C12orf42: variants seen among roughly 807,000 people sequenced by gnomAD.
C12orf42 encodes the protein chromosome 12 open reading frame 42, also known as uncharacterized protein C12orf42.
In C12orf42, 25 loss-of-function variants were observed where a neutral mutation model predicts 21.6. The ratio of observed to expected loss-of-function variants is 1.16; its 90% CI spans 0.84 to 1.62. C12orf42 has a LOEUF of 1.62. Among genes scored for constraint, C12orf42 ranks in the 40% most tolerant of loss-of-function variants. C12orf42 has a pLI of 0.00. For synonymous variants in C12orf42, 174 were observed against 175.0 expected (o/e 0.99, Z 0.05); for missense variants, 483 against 459.3 (o/e 1.05, Z -0.47).
intron 3 of C12orf42, among the ~76,000 whole-genome samples, chr12:103,379,475 A>T (rs2045984626): frequency 6.6e-6 from 1 of 152,328 alleles, no homozygotes; most frequent in East Asian, 1.9e-4. Flanking sequence ...ACTTGGGAGG[A>T]AATGTAAAAT....
chr12:103,112,450 A>T, the C12orf42 span, among the ~76,000 whole-genome samples: 1 of 152,162 alleles, frequency 6.6e-6, no homozygotes, highest in Non-Finnish European at 1.5e-5. Flanking sequence ...ACCTGAGGTC[A>T]GGAGTTCCAG....
chr12:103,260,097 G>GA (rs774965593), intron 10 of C12orf42, among the ~76,000 whole-genome samples: 10 of 150,748 alleles, frequency 6.6e-5, no homozygotes, highest in East Asian at 1.9e-4. Context: ...TAAAATAGAA[G>GA]AAAAAAAAAT....
chr12:103,436,379 A>G (rs1402829353), intron 2 of C12orf42, among the ~76,000 whole-genome samples: 1 of 152,168 alleles, frequency 6.6e-6, no homozygotes, highest in Non-Finnish European at 1.5e-5. Context: ...TCATAATGAC[A>G]GGATCAAATT....
At chr12:103,211,604 G>C in the C12orf42 span, among the ~76,000 whole-genome samples, 1 of 152,168 alleles carries the variant, frequency 6.6e-6, no homozygotes, top group Non-Finnish European at 1.5e-5. Context: ...CCAACCATGA[G>C]AGTGAGCAGG....
chr12:103,540,984 A>G, the C12orf42 span, among the ~76,000 whole-genome samples: 2 of 151,844 alleles, frequency 1.3e-5, no homozygotes, highest in Non-Finnish European at 2.9e-5. Flanking sequence ...GCTCACTGCA[A>G]CCTCTGCCTC....
chr12:103,241,103 G>A (rs565517626), intron 10 of C12orf42, among the ~76,000 whole-genome samples: 3 of 149,290 alleles, frequency 2.0e-5, no homozygotes, highest in East Asian at 3.9e-4. Flanking sequence ...TATTGACAAA[G>A]AAGTTATAAA....
At chr12:103,109,718 A>G in the C12orf42 span, among the ~76,000 whole-genome samples, 82 of 151,554 alleles carry the variant, frequency 5.4e-4, 1 homozygote, top group East Asian at 0.015. Flanking sequence ...TTAAATATCT[A>G]TATCAAAATA....
At chr12:103,168,721 T>G in the C12orf42 span, among the ~76,000 whole-genome samples, 1,642 of 152,170 alleles carry the variant, frequency 0.011, 16 homozygotes, top group Non-Finnish European at 0.018. Context: ...GTATGTTTAT[T>G]GCAGCACTAT....
At chr12:103,083,757 T>C in the C12orf42 span, among the ~76,000 whole-genome samples, 1 of 152,190 alleles carries the variant, frequency 6.6e-6, no homozygotes, top group Non-Finnish European at 1.5e-5. Context: ...AGTAAATATA[T>C]TGTACTGAAA....
At chr12:103,556,223 C>T in the C12orf42 span, among the ~76,000 whole-genome samples, 1 of 152,180 alleles carries the variant, frequency 6.6e-6, no homozygotes, top group African/African-American at 2.4e-5. Context: ...GAGTTTTGCT[C>T]TTCATCTGAA....
At position 103,473,936 on chromosome 12, in the gene C12orf42, A is replaced by G. The variant is rs138752990; in HGVS notation, c.78+4413T>C. Among the ~76,000 whole-genome samples the G allele has an allele frequency of 1.5e-3, 221 of 152,366 alleles. 2 individuals are homozygous for G. The highest frequency in any genetic ancestry group is 4.9e-3 in the African/African-American group (203 of 41,596). ...AAATGAATAAAAAGGATATCATATCAGTGCAGATGTTTTGATTTTTCTTAA... is the reference window on the plus strand; with the variant it reads ...AAATGAATAAAAAGGATATCATATCGGTGCAGATGTTTTGATTTTTCTTAA... On this transcript the variant is annotated intron_variant, in intron 2 of 5. Coordinates refer to ENST00000548883, the MANE Select transcript of C12orf42 (RefSeq NM_198521.5).
the C12orf42 span, among the ~76,000 whole-genome samples, chr12:103,215,209 C>T: frequency 1.3e-5 from 2 of 151,968 alleles, no homozygotes; most frequent in African/African-American, 4.8e-5. Flanking sequence ...TATATTAATA[C>T]TAACACTTTA....
the C12orf42 span, among the ~76,000 whole-genome samples, chr12:103,135,078 C>T: frequency 6.6e-6 from 1 of 152,130 alleles, no homozygotes; most frequent in African/African-American, 2.4e-5. Context: ...CTTTCCTAGA[C>T]AAGCAAAAAC....
intron 4 of C12orf42, among the ~76,000 whole-genome samples, chr12:103,280,644 G>A (rs2036057006): frequency 6.6e-6 from 1 of 152,094 alleles, no homozygotes; most frequent in South Asian, 2.1e-4. Flanking sequence ...TTGAATGGTA[G>A]GGGAGACAGA....
the C12orf42 span, among the ~76,000 whole-genome samples, chr12:103,102,527 T>C: frequency 6.6e-6 from 1 of 152,168 alleles, no homozygotes. Flanking sequence ...CTGTTTCTGG[T>C]TGGGCCAGTA....
the C12orf42 span, among the ~76,000 whole-genome samples, chr12:103,174,905 G>A: frequency 6.6e-6 from 1 of 152,064 alleles, no homozygotes; most frequent in African/African-American, 2.4e-5. Context: ...GGTTTTTACT[G>A]ATAGTTACTT....
At chr12:103,322,126 C>G (rs778653551) in intron 4 of C12orf42, among the ~76,000 whole-genome samples, 5 of 29,648 alleles carry the variant, frequency 1.7e-4, no homozygotes, top group Non-Finnish European at 2.7e-4. Flanking sequence ...CGCGCGCGCG[C>G]ACACACACAC....
intron 4 of C12orf42, among the ~76,000 whole-genome samples, chr12:103,309,977 G>GAGACCTTC (rs2038804896): frequency 6.6e-6 from 1 of 152,240 alleles, no homozygotes; most frequent in Non-Finnish European, 1.5e-5. Flanking sequence ...TAAGGGGCCA[G>GAGACCTTC]AGACCTTCAG....
the C12orf42 span, among the ~76,000 whole-genome samples, chr12:103,147,740 C>T: frequency 6.6e-6 from 1 of 150,498 alleles, no homozygotes; most frequent in Non-Finnish European, 1.5e-5. Context: ...TATATGTCAC[C>T]GTGTACAGGT....
Sources: allele counts gnomAD v4.1 joint callset (sites outside exome capture counted in the v4.1 genomes callset), GRCh38; gene constraint gnomAD v4.1.1; transcripts MANE v1.5; gene names NCBI Gene and HGNC (gene_info 2026-07-23, HGNC 2026-07-21).